ITGB5: variants seen among roughly 807,000 people sequenced by gnomAD.
ITGB5 encodes integrin subunit beta 5, also known as integrin beta-5.
In ITGB5, 38 loss-of-function variants were observed where a neutral mutation model predicts 84.8. The ratio of observed to expected loss-of-function variants is 0.45; its 90% CI spans 0.35 to 0.59. The LOEUF (loss-of-function observed/expected upper bound fraction) is 0.59. ITGB5 is among the 20% of genes least tolerant of loss of function. The probability of loss-of-function intolerance (pLI) is 0.01; values close to 1 mark genes in which losing one functional copy is unlikely to be tolerated. For missense variants in ITGB5, 905 were observed against 1,034.5 expected (o/e 0.87, Z 1.72); for synonymous variants, 393 against 414.4 (o/e 0.95, Z 0.63).
chr3:124,834,236 T>C (rs2064896523), intron 5 of ITGB5, among the ~76,000 whole-genome samples: 1 of 152,024 alleles, frequency 6.6e-6, no homozygotes, highest in Non-Finnish European at 1.5e-5. Flanking sequence ...TTGATAATGA[T>C]GTGTCAACAC....
rs72974580 is a variant in ITGB5, at chr3:124,885,271, A to G, written c.70+1660T>C. Among the ~76,000 whole-genome samples the G allele has an allele frequency of 1.9e-3, 282 of 146,044 alleles. 1 individual carries two copies. The highest frequency in any genetic ancestry group is 6.9e-3 in the African/African-American group (272 of 39,362). ...GGCTACAAGACTGAAACTCTGACTC[A>G]AAAAAAAAAAATTATTTGCAACTAG... On this transcript the variant is annotated intron_variant, in intron 1 of 14. Coordinates refer to ENST00000296181, the MANE Select transcript of ITGB5 (RefSeq NM_002213.5).
intron 5 of ITGB5, among the ~76,000 whole-genome samples, chr3:124,833,224 G>T (rs2064883421): frequency 6.6e-6 from 1 of 152,114 alleles, no homozygotes. Context: ...CCAGCAATGT[G>T]CAGGATGACA....
chr3:124,773,282 T>C (rs913583479), intron 11 of ITGB5, among the ~76,000 whole-genome samples: 3 of 152,190 alleles, frequency 2.0e-5, no homozygotes, highest in Non-Finnish European at 4.4e-5. Context: ...TTGGGAGATA[T>C]CAGTGTGGGG....
intron 10 of ITGB5, among the ~76,000 whole-genome samples, chr3:124,787,289 A>G (rs1185168936): frequency 1.3e-5 from 2 of 152,150 alleles, no homozygotes; most frequent in East Asian, 3.8e-4. Context: ...TGGACACAGG[A>G]TCTGAGCGGT....
rs1467548565 is a variant in ITGB5, at chr3:124,796,549, TTCTGGTACACGC to T, written c.1520_1531del (p.Ser507_Gln510del). 6.2e-7 allele frequency: 1 copy of T among 1,613,996 alleles called. No homozygotes were observed. Among genetic ancestry groups the T allele is most frequent in the South Asian group, 1.1e-5 (1 of 91,074 alleles). On this transcript the variant is annotated inframe_deletion, in exon 10 of 15. Transcript: ENST00000296181. ...CTTGCCCTCTGCCTCCCGGCACAGGTTCTGGTACACGCTCTGGTTCTCCCCATCCTGGCACTC... is the reference window on the plus strand; with the variant it reads ...CTTGCCCTCTGCCTCCCGGCACAGGTTCTGGTTCTCCCCATCCTGGCACTC...
chr3:124,877,825 C>T (rs771767377), intron 1 of ITGB5, among the ~76,000 whole-genome samples: 3 of 150,616 alleles, frequency 2.0e-5, no homozygotes, highest in East Asian at 2.0e-4. Flanking sequence ...AAAGGCCTCA[C>T]GTAGGACTCT....
At chr3:124,805,743 C>T (rs1000794327) in intron 9 of ITGB5, among the ~76,000 whole-genome samples, 4 of 151,644 alleles carry the variant, frequency 2.6e-5, no homozygotes, top group South Asian at 4.2e-4. Context: ...TGAGCCACTG[C>T]GCCTGGCGGA....
At chr3:124,805,151 T>TCTCTC (rs1559942698) in intron 9 of ITGB5, among the ~76,000 whole-genome samples, 11 of 136,358 alleles carry the variant, frequency 8.1e-5, no homozygotes, top group African/African-American at 2.6e-4. Flanking sequence ...CTCTCTCTCT[T>TCTCTC]TCTTTCTTTC....
upstream of ITGB5, chr3:124,887,779 T>C: frequency 2.5e-6 from 1 of 399,204 alleles, no homozygotes; most frequent in Non-Finnish European, 5.2e-6. Context: ...TACCGCCTCA[T>C]CCTCCCAAAG....
chr3:124,807,088 G>A (rs768491012), intron 9 of ITGB5, among the ~76,000 whole-genome samples: 1 of 152,172 alleles, frequency 6.6e-6, no homozygotes. Context: ...ATGTCACCTT[G>A]TTCTATGAAT....
Position 124,821,493 on chromosome 3 carries a change from A to G in ITGB5, c.781-19T>C. 1.9e-6 allele frequency: 3 copies of G among 1,613,610 alleles called. No homozygotes were observed. Among genetic ancestry groups the G allele is most frequent in the Non-Finnish European group, 2.5e-6 (3 of 1,179,864 alleles). On this transcript the variant is annotated intron_variant, in intron 5 of 14. Transcript: ENST00000296181. ...TCTTCTCCTGAAGGACAGAAGGTGG[A>G]TGGGTACACCAGTCTTTCTGCCCAG...
chr3:124,814,958 T>G (rs1038541658), intron 8 of ITGB5, among the ~76,000 whole-genome samples: 2 of 151,852 alleles, frequency 1.3e-5, no homozygotes, highest in African/African-American at 4.8e-5. Flanking sequence ...TGCTCCCCAC[T>G]CCCCATCAGC....
At chr3:124,850,738 TCAAA>T (rs2065141152) in intron 3 of ITGB5, among the ~76,000 whole-genome samples, 1 of 151,682 alleles carries the variant, frequency 6.6e-6, no homozygotes, top group Non-Finnish European at 1.5e-5. Context: ...AGAGTCTGAC[TCAAA>T]CAGAGGAATG....
rs61760567 is a variant in ITGB5 at position 124,847,979 on chromosome 3, C to T, written c.611+330G>A. Among the ~76,000 whole-genome samples, 832 of 152,180 alleles carry T rather than the reference C, an allele frequency of 5.5e-3. 10 individuals carry two copies. The highest frequency in any genetic ancestry group is 0.019 in the African/African-American group (793 of 41,520). Reference sequence around the variant, plus strand: ...CAAGCAAGGGGAAAGTTTAAGTTGCCCTGCCTGCTGCCTCCCTGATAATCT... The same window carrying T: ...CAAGCAAGGGGAAAGTTTAAGTTGCTCTGCCTGCTGCCTCCCTGATAATCT... On this transcript the variant is annotated intron_variant, in intron 4 of 14. Coordinates refer to ENST00000296181, the MANE Select transcript of ITGB5 (RefSeq NM_002213.5).
Position 124,796,606 on chromosome 3 carries a change from C to G in ITGB5, c.1475G>C (p.Gly492Ala). ...YVCGLCECSPGYLGTRCECQD... is the reference protein window; with the variant it reads ...YVCGLCECSPAYLGTRCECQD... ...GCACTCGCACCTGGTGCCCAGGTAG[C>G]CGGGGCTGCACTCACACAGGCCGCA... Residue 492 changes from glycine to alanine, a missense_variant, in exon 10 of 15, where the codon GGC becomes GCC. Gly to Ala is a moderately conservative substitution (Grantham distance 60). This residue lies in a region of ITGB5 where 656 missense variants were observed against 734.7 expected (regional missense o/e 0.89). Transcript: ENST00000296181. The G allele has an allele frequency of 6.2e-7, 1 of 1,614,154 alleles. No homozygotes were observed. Among genetic ancestry groups the G allele is most frequent in the Non-Finnish European group, 8.5e-7 (1 of 1,180,030 alleles).
chr3:124,798,019 A>G (rs899446076), intron 9 of ITGB5, among the ~76,000 whole-genome samples: 8 of 141,518 alleles, frequency 5.7e-5, no homozygotes, highest in Non-Finnish European at 1.1e-4. Context: ...TTCAGCTATT[A>G]CTATTCTTAA....
At chr3:124,821,041 C>T (rs1023759387) in intron 6 of ITGB5, among the ~76,000 whole-genome samples, 2 of 152,192 alleles carry the variant, frequency 1.3e-5, no homozygotes, top group Non-Finnish European at 2.9e-5. Context: ...CCTGGGCCAC[C>T]CGTATCCCAA....
intron 2 of ITGB5, among the ~76,000 whole-genome samples, chr3:124,871,019 A>T (rs931956791): frequency 4.1e-4 from 63 of 151,834 alleles, no homozygotes; most frequent in African/African-American, 1.4e-3. Flanking sequence ...CCCCCCAAGT[A>T]GCTGGGACTA....
intron 1 of ITGB5, among the ~76,000 whole-genome samples, chr3:124,875,243 C>T (rs573185373): frequency 2.0e-5 from 3 of 152,170 alleles, no homozygotes; most frequent in South Asian, 2.1e-4. Context: ...TTTATGAGGC[C>T]GAGGTGGGTG....
Sources: allele counts gnomAD v4.1 joint callset (sites outside exome capture counted in the v4.1 genomes callset), GRCh38; gene constraint gnomAD v4.1.1; regional missense constraint gnomAD v4.1.1; transcripts MANE v1.5; gene names NCBI Gene and HGNC (gene_info 2026-07-23, HGNC 2026-07-21).